FILIP1L: variants seen among roughly 807,000 people sequenced by gnomAD.
FILIP1L encodes filamin A interacting protein 1 like.
FILIP1L carries 55 observed loss-of-function variants against 96.6 expected under a neutral mutation model. The observed-to-expected ratio is 0.57, with a 90% confidence interval of 0.46 to 0.71. The LOEUF (loss-of-function observed/expected upper bound fraction) is 0.71. Among genes scored for constraint, FILIP1L ranks in the 30% least tolerant of loss-of-function variants. The pLI is 0.00. For missense variants in FILIP1L, 1,304 were observed against 1,321.2 expected, an observed-to-expected ratio of 0.99 and a Z score of 0.20; for synonymous variants, 467 against 473.9, an observed-to-expected ratio of 0.99 and a Z score of 0.19.
At chr3:99,978,154 A>G (rs1322258603) in intron 1 of FILIP1L, among the ~76,000 whole-genome samples, 1 of 152,212 alleles carries the variant, frequency 6.6e-6, no homozygotes, top group African/African-American at 2.4e-5. Context: ...TTTATAGACT[A>G]AGAGTAGTAT....
chr3:99,898,989 C>T (rs1706351522), intron 4 of FILIP1L, among the ~76,000 whole-genome samples: 2 of 151,898 alleles, frequency 1.3e-5, no homozygotes, highest in South Asian at 4.2e-4. Flanking sequence ...ATTTCTGTTG[C>T]TAGTTTCATC....
At chr3:100,012,345 C>T in intron 1 of FILIP1L, among the ~76,000 whole-genome samples, 1 of 152,054 alleles carries the variant, frequency 6.6e-6, no homozygotes, top group South Asian at 2.1e-4. Flanking sequence ...ATTTTCTTTC[C>T]TGAGAATCTC....
At chr3:99,847,268 C>T (rs150418075) in intron 5 of FILIP1L, among the ~76,000 whole-genome samples, 1 of 149,152 alleles carries the variant, frequency 6.7e-6, no homozygotes. Flanking sequence ...CCCTTATGAA[C>T]AGGGTAGGTA....
In FILIP1L at chr3:99,861,739, AC is replaced by A. The variant is rs765377451; in HGVS notation, c.606-10670del. Among the ~76,000 whole-genome samples the A allele has an allele frequency of 3.3e-5, 5 of 152,186 alleles. No individual in the cohort carries two copies. In the East Asian group the frequency reaches 9.6e-4, roughly 29 times the overall value. ...ACTGACAGCATGTACACTCTCTAGT[AC>A]CGAAGCACCAATAGGAACGAGACAG... On this transcript the variant is annotated intron_variant, in intron 4 of 5. Transcript: ENST00000477258.
chr3:100,010,256 A>C, intron 1 of FILIP1L: 1 of 356,910 alleles, frequency 2.8e-6, no homozygotes, highest in Non-Finnish European at 3.9e-6. Context: ...TCCCCCCACA[A>C]CATTGTCCTT....
In FILIP1L at chr3:99,983,485, T is replaced by C. The variant is rs1576619576; in HGVS notation, c.-10-52455A>G. 1.3e-4 allele frequency among the ~76,000 whole-genome samples: 3 copies of C among 23,910 alleles called. 1 individual carries two copies. The highest frequency in any genetic ancestry group is 4.0e-4 in the African/African-American group (3 of 7,548). 15.7% of individuals were successfully genotyped at this position (23,910 alleles called of 152,430 possible). ...GTGTGTATATATATATATATATATA[T>C]ATATATATATATATATATATATATG... On this transcript the variant is annotated intron_variant, in intron 1 of 5. Transcript: ENST00000477258.
intron 4 of FILIP1L, among the ~76,000 whole-genome samples, chr3:99,881,803 G>C (rs1028742857): frequency 3.3e-5 from 5 of 152,132 alleles, no homozygotes; most frequent in Admixed American, 2.6e-4. Context: ...AAAGTGCTGG[G>C]ATTATAGGCG....
intron 1 of FILIP1L, among the ~76,000 whole-genome samples, chr3:100,093,523 G>T (rs1238204781): frequency 6.6e-6 from 1 of 152,004 alleles, no homozygotes; most frequent in African/African-American, 2.4e-5. Flanking sequence ...ACATGCATTT[G>T]TACGGAATAA....
chr3:99,949,146 CTG>C (rs1414110710), intron 1 of FILIP1L, among the ~76,000 whole-genome samples: 2 of 152,112 alleles, frequency 1.3e-5, no homozygotes, highest in African/African-American at 2.4e-5. Context: ...TCCCAAAAAT[CTG>C]TGAGCAAGTA....
At chr3:99,871,709 G>T (rs1944795685) in intron 4 of FILIP1L, among the ~76,000 whole-genome samples, 1 of 152,146 alleles carries the variant, frequency 6.6e-6, no homozygotes, top group Admixed American at 6.5e-5. Context: ...TTAGCTGGAA[G>T]ATACTAATAG....
chr3:100,083,018 G>A (rs1307613471), intron 1 of FILIP1L, among the ~76,000 whole-genome samples: 3 of 152,056 alleles, frequency 2.0e-5, no homozygotes, highest in Non-Finnish European at 4.4e-5. Context: ...TAGTACTTTG[G>A]GATGTGTATA....
intron 4 of FILIP1L, among the ~76,000 whole-genome samples, chr3:99,903,741 G>T (rs1316983416): frequency 6.6e-6 from 1 of 152,048 alleles, no homozygotes; most frequent in East Asian, 1.9e-4. Flanking sequence ...TGGGACCCTG[G>T]GCTGGTTGGA....
At chr3:99,928,113 A>G (rs1438923141) in intron 3 of FILIP1L, among the ~76,000 whole-genome samples, 1 of 152,246 alleles carries the variant, frequency 6.6e-6, no homozygotes, top group African/African-American at 2.4e-5. Context: ...AGCATTCAAG[A>G]TGCTTATTCT....
chr3:100,084,767 A>G (rs1002345342), intron 1 of FILIP1L, among the ~76,000 whole-genome samples: 1 of 152,220 alleles, frequency 6.6e-6, no homozygotes, highest in African/African-American at 2.4e-5. Flanking sequence ...TATAAATCAA[A>G]TCATAGTTTT....
chr3:100,069,987 T>C (rs1005973093), intron 1 of FILIP1L, among the ~76,000 whole-genome samples: 4 of 152,236 alleles, frequency 2.6e-5, no homozygotes, highest in Non-Finnish European at 5.9e-5. Flanking sequence ...TTTTTCCTTT[T>C]ATTTCAAACA....
intron 3 of FILIP1L, among the ~76,000 whole-genome samples, chr3:99,929,181 T>C (rs1288072475): frequency 1.3e-5 from 2 of 152,272 alleles, no homozygotes; most frequent in East Asian, 3.9e-4. Context: ...TTCCAAAGGG[T>C]TTCAGAAATG....
intron 1 of FILIP1L, among the ~76,000 whole-genome samples, chr3:100,049,443 T>C (rs1186011154): frequency 6.6e-6 from 1 of 152,194 alleles, no homozygotes; most frequent in African/African-American, 2.4e-5. Flanking sequence ...CACTAGAGTG[T>C]CATATTTTTA....
At chr3:100,012,602 C>T (rs1395092273) in intron 1 of FILIP1L, among the ~76,000 whole-genome samples, 1 of 151,934 alleles carries the variant, frequency 6.6e-6, no homozygotes, top group Non-Finnish European at 1.5e-5. Context: ...TTCAGATTCC[C>T]CCACCGTGGG....
intron 4 of FILIP1L, among the ~76,000 whole-genome samples, chr3:99,856,563 T>C (rs1559661878): frequency 6.6e-6 from 1 of 152,216 alleles, no homozygotes; most frequent in Non-Finnish European, 1.5e-5. Flanking sequence ...CTTAAAGCAG[T>C]ATCTTATTAC....
Sources: allele counts gnomAD v4.1 joint callset (sites outside exome capture counted in the v4.1 genomes callset), GRCh38; gene constraint gnomAD v4.1.1; transcripts MANE v1.5; gene names NCBI Gene and HGNC (gene_info 2026-07-23, HGNC 2026-07-21).